MNAT1: variants seen among roughly 807,000 people sequenced by gnomAD.
The protein encoded by MNAT1 is MNAT1 component of CDK activating kinase.
In MNAT1, 43 loss-of-function variants were observed where a neutral mutation model predicts 42.0. The observed-to-expected ratio is 1.02, with a 90% CI of 0.80 to 1.32. The LOEUF (loss-of-function observed/expected upper bound fraction) is 1.32. Ranked by LOEUF, MNAT1 falls within the 40% of genes most tolerant of loss-of-function variation. The probability of loss-of-function intolerance (pLI) is 0.00; values close to 1 mark genes in which losing one functional copy is unlikely to be tolerated. For missense variants in MNAT1, 306 were observed against 350.4 expected (o/e 0.87, Z 1.01); for synonymous variants, 118 against 120.0 (o/e 0.98, Z 0.11).
At chr14:60,757,905 C>T (rs1319782305) in intron 1 of MNAT1, among the ~76,000 whole-genome samples, 1 of 151,912 alleles carries the variant, frequency 6.6e-6, no homozygotes, top group Non-Finnish European at 1.5e-5. Context: ...TAATTTTTGC[C>T]CTGAGGTCTC....
chr14:60,882,380 G>A (rs1352887344), intron 7 of MNAT1, among the ~76,000 whole-genome samples: 1 of 152,056 alleles, frequency 6.6e-6, no homozygotes, highest in African/African-American at 2.4e-5. Flanking sequence ...ATGACCACCA[G>A]TTCCATGTAT....
At chr14:60,809,782 A>T (rs947285616) in intron 4 of MNAT1, among the ~76,000 whole-genome samples, 1 of 151,924 alleles carries the variant, frequency 6.6e-6, no homozygotes, top group African/African-American at 2.4e-5. Flanking sequence ...GAATTTTTGC[A>T]TTTTTGTTCA....
intron 7 of MNAT1, among the ~76,000 whole-genome samples, chr14:60,955,575 T>A (rs2036473492): frequency 6.6e-6 from 1 of 152,112 alleles, no homozygotes; most frequent in East Asian, 1.9e-4. Flanking sequence ...GCAAGATAAT[T>A]GCTTGAACCC....
In MNAT1 at chr14:60,766,344, C is replaced by CA. The variant is rs756705275; in HGVS notation, c.90-29860dup. ...CCTGGGTGACAGAGCGAGACTCTGT[C>CA]AAAAAAAAAAAAAGAAAAAAAAGAA... On this transcript the variant is annotated intron_variant, in intron 1 of 7. Coordinates refer to ENST00000261245, the MANE Select transcript of MNAT1 (RefSeq NM_002431.4). Among the ~76,000 whole-genome samples the CA allele has an allele frequency of 7.9e-3, 860 of 108,384 alleles. 6 individuals carry two copies. The highest frequency in any genetic ancestry group is 0.036 in the East Asian group (136 of 3,762). The allele number at this position is 108,384 out of a possible 152,430, so 71.1% of individuals were successfully genotyped here. A position where few individuals can be genotyped will look rare whatever the true frequency, so the allele number is the denominator to read the frequency against.
At chr14:60,790,227 G>A (rs1566766499) in intron 1 of MNAT1, among the ~76,000 whole-genome samples, 1 of 152,090 alleles carries the variant, frequency 6.6e-6, no homozygotes. Context: ...GACTGTAAAA[G>A]GGAAATAAAT....
chr14:60,776,457 T>C (rs939006033), intron 1 of MNAT1, among the ~76,000 whole-genome samples: 1 of 152,020 alleles, frequency 6.6e-6, no homozygotes, highest in Non-Finnish European at 1.5e-5. Flanking sequence ...GAATTAAATG[T>C]CTAGGATAAT....
At chr14:60,751,441 C>T (rs2030088367) in intron 1 of MNAT1, among the ~76,000 whole-genome samples, 1 of 151,796 alleles carries the variant, frequency 6.6e-6, no homozygotes, top group South Asian at 2.1e-4. Flanking sequence ...TGATATTTTT[C>T]CTGATATTGT....
intron 6 of MNAT1, among the ~76,000 whole-genome samples, chr14:60,867,479 A>G (rs2034230699): frequency 6.6e-6 from 1 of 152,092 alleles, no homozygotes; most frequent in Non-Finnish European, 1.5e-5. Flanking sequence ...GCTTATTCCC[A>G]AACATACATT....
At chr14:60,886,998 T>C (rs926205196) in intron 7 of MNAT1, among the ~76,000 whole-genome samples, 1 of 152,190 alleles carries the variant, frequency 6.6e-6, no homozygotes, top group African/African-American at 2.4e-5. Flanking sequence ...GCATAGGCCT[T>C]TCATAAATGA....
chr14:60,862,329 A>T (rs2034115177), intron 6 of MNAT1, among the ~76,000 whole-genome samples: 1 of 152,200 alleles, frequency 6.6e-6, no homozygotes, highest in South Asian at 2.1e-4. Context: ...ATGCCATACG[A>T]TTGGTGACAA....
At chr14:60,827,370 C>T (rs2033083861) in intron 6 of MNAT1, among the ~76,000 whole-genome samples, 1 of 152,102 alleles carries the variant, frequency 6.6e-6, no homozygotes, top group Non-Finnish European at 1.5e-5. Context: ...ATATAAATTG[C>T]CTTTTCTGAG....
chr14:60,923,726 C>T (rs1286388531), intron 7 of MNAT1, among the ~76,000 whole-genome samples: 1 of 152,066 alleles, frequency 6.6e-6, no homozygotes, highest in Non-Finnish European at 1.5e-5. Flanking sequence ...CGCCTGTAAT[C>T]CCAGTACTTT....
At chr14:60,841,618 C>T (rs888363084) in intron 6 of MNAT1, among the ~76,000 whole-genome samples, 2 of 152,010 alleles carry the variant, frequency 1.3e-5, no homozygotes, top group African/African-American at 2.4e-5. Flanking sequence ...CTTTCTGAGT[C>T]TGCTTCTATT....
intron 7 of MNAT1, among the ~76,000 whole-genome samples, chr14:60,906,796 T>C (rs2035210031): frequency 6.6e-6 from 1 of 152,156 alleles, no homozygotes; most frequent in African/African-American, 2.4e-5. Context: ...TCTGAAAAAA[T>C]CTTTTGTTGG....
Position 60,890,427 on chromosome 14 carries a change from G to T in MNAT1, c.809+10592G>T, listed in dbSNP as rs140089225. 7.0e-3 allele frequency among the ~76,000 whole-genome samples: 1,065 copies of T among 152,250 alleles called. 17 individuals carry two copies. The highest frequency in any genetic ancestry group is 0.024 in the African/African-American group (1,010 of 41,546). On this transcript the variant is annotated intron_variant, in intron 7 of 7. Coordinates refer to ENST00000261245, the MANE Select transcript of MNAT1 (RefSeq NM_002431.4). ...CAGAATGTATAGTCAGGGTTCTCTA[G>T]AGGGACAGAACTAATAGATAGATGT...
intron 7 of MNAT1, among the ~76,000 whole-genome samples, chr14:60,957,371 A>G (rs1409925460): frequency 6.6e-6 from 1 of 152,218 alleles, no homozygotes; most frequent in African/African-American, 2.4e-5. Flanking sequence ...GAGGCCTCAC[A>G]ATCATGGCTG....
At chr14:60,847,596 A>G (rs1192424134) in intron 6 of MNAT1, among the ~76,000 whole-genome samples, 1 of 151,718 alleles carries the variant, frequency 6.6e-6, no homozygotes, top group Non-Finnish European at 1.5e-5. Context: ...TTTACGTTTA[A>G]TGTTTGTTTT....
At chr14:60,861,434 G>C (rs1222085199) in intron 6 of MNAT1, among the ~76,000 whole-genome samples, 1 of 152,068 alleles carries the variant, frequency 6.6e-6, no homozygotes, top group Non-Finnish European at 1.5e-5. Context: ...GTTAAGGGAA[G>C]ACAAAGCATA....
At chr14:60,836,709 A>G (rs1242762062) in intron 6 of MNAT1, among the ~76,000 whole-genome samples, 2 of 152,206 alleles carry the variant, frequency 1.3e-5, no homozygotes, top group Admixed American at 1.3e-4. Flanking sequence ...ATCAGGAGGC[A>G]CGGAGGTCAG....
Sources: gnomAD v4.1 joint callset for allele counts (sites outside exome capture counted in the v4.1 genomes callset) on GRCh38, gnomAD v4.1.1 for gene constraint, MANE v1.5 for transcripts, NCBI Gene and HGNC (gene_info 2026-07-23, HGNC 2026-07-21) for gene names.